ATG7: variants seen among roughly 807,000 people sequenced by gnomAD.
ATG7 encodes the protein ubiquitin-like modifier-activating enzyme ATG7.
In ATG7, 70 loss-of-function variants were observed where a neutral mutation model predicts 82.4. The observed-to-expected ratio is 0.85, with a 90% confidence interval of 0.70 to 1.04. ATG7 has a LOEUF of 1.04. Ranked by LOEUF, ATG7 falls within the 50% of genes least tolerant of loss-of-function variation. The probability of loss-of-function intolerance (pLI) is 0.00; values close to 1 mark genes in which losing one functional copy is unlikely to be tolerated. For missense variants in ATG7, 792 were observed against 864.3 expected (o/e 0.92, Z 1.05); for synonymous variants, 287 against 313.0 (o/e 0.92, Z 0.88).
chr3:11,289,379 C>T (rs1031780210), intron 3 of ATG7, among the ~76,000 whole-genome samples: 2 of 152,160 alleles, frequency 1.3e-5, no homozygotes, highest in Admixed American at 6.5e-5. Context: ...CGTGTATGTT[C>T]CTAAGTGATA....
intron 20 of ATG7, among the ~76,000 whole-genome samples, chr3:11,542,674 C>T (rs969953596): frequency 1.3e-5 from 2 of 152,206 alleles, no homozygotes; most frequent in Non-Finnish European, 1.5e-5. Flanking sequence ...CTCTCAACCA[C>T]CCTCTGCTTC....
chr3:11,388,347 G>A (rs373977100), intron 19 of ATG7, among the ~76,000 whole-genome samples: 2 of 152,044 alleles, frequency 1.3e-5, no homozygotes, highest in Non-Finnish European at 2.9e-5. Flanking sequence ...GAGTTCAGAC[G>A]GTTAGTTCTC....
intron 19 of ATG7, among the ~76,000 whole-genome samples, chr3:11,409,575 G>GT (rs1483774241): frequency 6.6e-6 from 1 of 151,962 alleles, no homozygotes; most frequent in African/African-American, 2.4e-5. Flanking sequence ...CCCATCATAA[G>GT]TTGATGAGCA....
intron 20 of ATG7, among the ~76,000 whole-genome samples, chr3:11,470,008 A>AAAAAAAAAAAG (rs1399975005): frequency 2.1e-5 from 3 of 141,148 alleles, no homozygotes; most frequent in African/African-American, 8.0e-5. Flanking sequence ...AAAAAAAAAA[A>AAAAAAAAAAAG]AGAGAGAGAG....
the ATG7 span, among the ~76,000 whole-genome samples, chr3:11,562,684 G>A: frequency 1.3e-5 from 2 of 152,246 alleles, no homozygotes; most frequent in Non-Finnish European, 2.9e-5. Flanking sequence ...CCCACGAATG[G>A]TTACGACATG....
At chr3:11,382,052 A>AAC (rs2077945012) in intron 19 of ATG7, among the ~76,000 whole-genome samples, 1 of 152,198 alleles carries the variant, frequency 6.6e-6, no homozygotes, top group Admixed American at 6.5e-5. Flanking sequence ...TTGGGGCTAA[A>AAC]AATTACTTTT....
rs570132059 is a variant in ATG7, at chr3:11,523,502, T to G, written c.2080-31309T>G. On this transcript the variant is annotated intron_variant, in intron 20 of 20. Transcript: ENST00000693202. The stretch of plus-strand genomic sequence containing the variant: ...TCCTTTAGGCAGAGGTGATATGCAC[T>G]GAAGTGTTTGATTTAGAGTGATGGA... Among the ~76,000 whole-genome samples the G allele has an allele frequency of 1.4e-3, 220 of 152,340 alleles. 1 individual carries two copies. Among genetic ancestry groups the G allele is most frequent in the African/African-American group, 5.0e-3 (206 of 41,584 alleles).
At chr3:11,550,837 T>G (rs943289482) in intron 20 of ATG7, among the ~76,000 whole-genome samples, 2 of 152,106 alleles carry the variant, frequency 1.3e-5, no homozygotes, top group Non-Finnish European at 2.9e-5. Flanking sequence ...TATCCATTTT[T>G]TTATTGCTTA....
At chr3:11,413,066 T>A (rs1352907186) in intron 19 of ATG7, among the ~76,000 whole-genome samples, 1 of 152,190 alleles carries the variant, frequency 6.6e-6, no homozygotes, top group African/African-American at 2.4e-5. Context: ...ATTCAGTTTT[T>A]GTAGACTGTA....
intron 19 of ATG7, among the ~76,000 whole-genome samples, chr3:11,393,382 C>G (rs2152876484): frequency 6.7e-6 from 1 of 149,978 alleles, no homozygotes; most frequent in Non-Finnish European, 1.5e-5. Flanking sequence ...CAGATACTAA[C>G]TAGCTACCCA....
At chr3:11,511,441 A>G (rs935609050) in intron 20 of ATG7, among the ~76,000 whole-genome samples, 3 of 152,282 alleles carry the variant, frequency 2.0e-5, no homozygotes, top group South Asian at 2.1e-4. Flanking sequence ...CCTTGAGCTA[A>G]ACACAGGGTG....
intron 20 of ATG7, among the ~76,000 whole-genome samples, chr3:11,506,579 AAAAAACCC>A (rs1431270096): frequency 8.7e-4 from 14 of 16,044 alleles, no homozygotes; most frequent in Admixed American, 5.1e-3. Flanking sequence ...AAAAAAAAAA[AAAAAACCC>A]AAAAATTAGC....
intron 20 of ATG7, among the ~76,000 whole-genome samples, chr3:11,475,318 A>C (rs931429694): frequency 1.3e-5 from 2 of 152,098 alleles, no homozygotes; most frequent in African/African-American, 2.4e-5. Context: ...CACTGGGCTT[A>C]TTATTAATGT....
At chr3:11,423,379 ACC>A (rs2082098960) in intron 19 of ATG7, among the ~76,000 whole-genome samples, 4 of 152,216 alleles carry the variant, frequency 2.6e-5, no homozygotes, top group Non-Finnish European at 5.9e-5. Flanking sequence ...TGTGAGAATT[ACC>A]AAAATGTGAC....
At chr3:11,344,642 G>A (rs191857958) in intron 13 of ATG7, among the ~76,000 whole-genome samples, 16 of 152,128 alleles carry the variant, frequency 1.1e-4, no homozygotes, top group Admixed American at 2.6e-4. Flanking sequence ...CAAGGTGGGC[G>A]GATCGTTTGA....
At position 11,555,064 on chromosome 3, in the gene ATG7, G is replaced by A. The variant is rs1309749469; in HGVS notation, c.*221G>A. On this transcript the variant is annotated 3_prime_UTR_variant, in exon 21 of 21. Coordinates refer to ENST00000693202, the MANE Select transcript of ATG7 (RefSeq NM_001349232.2). The stretch of plus-strand genomic sequence containing the variant: ...GAGCTAAATAATAACCTTGGCCTTG[G>A]CCTTGCTATTGACCTGGGACTTGGT... 6 of 564,576 alleles carry A rather than the reference G, an allele frequency of 1.1e-5. No individual in the cohort carries two copies. Among genetic ancestry groups the A allele is most frequent in the Non-Finnish European group, 1.8e-5 (6 of 328,298 alleles). The allele number at this position is 564,576 out of a possible 1,614,324, so 35.0% of individuals were successfully genotyped here. A position where few individuals can be genotyped will look rare whatever the true frequency, so the allele number is the denominator to read the frequency against.
chr3:11,367,396 G>A (rs1009545622), intron 18 of ATG7, among the ~76,000 whole-genome samples: 1 of 152,214 alleles, frequency 6.6e-6, no homozygotes, highest in African/African-American at 2.4e-5. Flanking sequence ...CAGTTCCCAA[G>A]AGGAGAAGTT....
In ATG7 at chr3:11,437,035, CTGAA is replaced by C. The variant is rs2083430057; in HGVS notation, c.2079+10112_2079+10115del. On this transcript the variant is annotated intron_variant, in intron 20 of 20. Transcript: ENST00000693202. Reference sequence around the variant, plus strand: ...TACTAAAACCATTGAATTCTATACTCTGAATGGATGAATCATATGGTGTGTGAAT... The same window carrying C: ...TACTAAAACCATTGAATTCTATACTCTGGATGAATCATATGGTGTGTGAAT... 2.0e-5 allele frequency among the ~76,000 whole-genome samples: 3 copies of C among 152,180 alleles called. No homozygotes were observed. In the South Asian group the frequency reaches 6.2e-4, roughly 32 times the overall value.
chr3:11,532,823 G>A (rs2447604), intron 20 of ATG7, among the ~76,000 whole-genome samples: 16,970 of 152,232 alleles, frequency 0.11, 1,259 homozygotes, highest in Non-Finnish European at 0.17. Flanking sequence ...ATGAGATGTC[G>A]TTAGCATGGT....
Sources: allele counts gnomAD v4.1 joint callset (sites outside exome capture counted in the v4.1 genomes callset), GRCh38; gene constraint gnomAD v4.1.1; transcripts MANE v1.5; gene names NCBI Gene and HGNC (gene_info 2026-07-23, HGNC 2026-07-21).